Variants in KCNH7 observed in about 807,000 individuals in gnomAD.
KCNH7 encodes the protein voltage-gated inwardly rectifying potassium channel KCNH7.
Under a neutral mutation model 120.8 loss-of-function variants are expected in KCNH7, and 49 were observed. The observed-to-expected ratio is 0.41, with a 90% CI of 0.32 to 0.51. KCNH7 has a LOEUF of 0.51. KCNH7 is among the 20% of genes least tolerant of loss of function. The probability of loss-of-function intolerance (pLI) is 0.38; values close to 1 mark genes in which losing one functional copy is unlikely to be tolerated. For missense variants in KCNH7, 1,097 were observed against 1,446.6 expected (o/e 0.76, Z 3.92); for synonymous variants, 547 against 516.1 (o/e 1.06, Z -0.81).
intron 2 of KCNH7, among the ~76,000 whole-genome samples, chr2:162,682,793 C>T (rs1685756800): frequency 6.6e-6 from 1 of 151,588 alleles, no homozygotes; most frequent in African/African-American, 2.4e-5. Flanking sequence ...TACAAAGAGA[C>T]CTATCTGTAT....
chr2:162,691,570 G>A (rs1000003300), intron 2 of KCNH7, among the ~76,000 whole-genome samples: 1 of 152,132 alleles, frequency 6.6e-6, no homozygotes, highest in Non-Finnish European at 1.5e-5. Context: ...TTTTATAGCT[G>A]TGGTCAGTCT....
At chr2:162,429,582 G>A (rs941273996) in intron 8 of KCNH7, among the ~76,000 whole-genome samples, 4 of 151,244 alleles carry the variant, frequency 2.6e-5, no homozygotes, top group Non-Finnish European at 4.4e-5. Flanking sequence ...TTCCTATGTT[G>A]AGAGATTTTG....
At chr2:162,376,402 G>A (rs1371766863) in intron 14 of KCNH7, among the ~76,000 whole-genome samples, 2 of 144,374 alleles carry the variant, frequency 1.4e-5, no homozygotes, top group African/African-American at 5.2e-5. Context: ...GTCTTGCTCT[G>A]TCGCCCAGGC....
intron 2 of KCNH7, among the ~76,000 whole-genome samples, chr2:162,707,721 A>C (rs1002048227): frequency 1.3e-5 from 2 of 152,092 alleles, no homozygotes; most frequent in Non-Finnish European, 2.9e-5. Flanking sequence ...CAAGGTAGGG[A>C]AGGATACAGT....
intron 4 of KCNH7, 130 bp downstream of exon 4, chr2:162,517,600 T>TGGTCGCCG: frequency 3.9e-6 from 3 of 779,062 alleles, no homozygotes; most frequent in Non-Finnish European, 5.8e-6. Context: ...AGGACTCAGG[T>TGGTCGCCG]TTTTAATAGC....
chr2:162,491,869 A>T (rs1188989247), intron 6 of KCNH7, among the ~76,000 whole-genome samples: 1 of 152,090 alleles, frequency 6.6e-6, no homozygotes, highest in Non-Finnish European at 1.5e-5. Flanking sequence ...AATCACTGGG[A>T]TTCCTTTGGG....
At chr2:162,632,667 G>T (rs1469085331) in intron 2 of KCNH7, among the ~76,000 whole-genome samples, 1 of 151,718 alleles carries the variant, frequency 6.6e-6, no homozygotes, top group Non-Finnish European at 1.5e-5. Context: ...GAAAAGAATT[G>T]ATTCCAGAAA....
At chr2:162,608,358 A>G (rs570149918) in intron 2 of KCNH7, among the ~76,000 whole-genome samples, 2 of 152,200 alleles carry the variant, frequency 1.3e-5, no homozygotes, top group Non-Finnish European at 2.9e-5. Context: ...ACAGAACCAT[A>G]CAAAACTCTG....
chr2:162,633,597 A>G (rs1480139097), intron 2 of KCNH7, among the ~76,000 whole-genome samples: 1 of 151,926 alleles, frequency 6.6e-6, no homozygotes, highest in Non-Finnish European at 1.5e-5. Flanking sequence ...TAAACCCTTA[A>G]TCCATCTAGA....
chr2:162,641,819 A>ACTAGTTT (rs1311774105), intron 2 of KCNH7, among the ~76,000 whole-genome samples: 1 of 152,196 alleles, frequency 6.6e-6, no homozygotes, highest in Admixed American at 6.6e-5. Flanking sequence ...ATTGGTGGAA[A>ACTAGTTT]TGGGATCTCT....
At chr2:162,514,530 A>T (rs550109653) in intron 4 of KCNH7, among the ~76,000 whole-genome samples, 31 of 151,888 alleles carry the variant, frequency 2.0e-4, no homozygotes, top group African/African-American at 7.2e-4. Context: ...CTTAGCTGAG[A>T]TCTGCTTGTT....
At chr2:162,577,328 TCTGTCTATCATCTATCCATC>T (rs1693710658) in intron 2 of KCNH7, among the ~76,000 whole-genome samples, 3 of 119,024 alleles carry the variant, frequency 2.5e-5, no homozygotes, top group Non-Finnish European at 3.8e-5. Context: ...TATCTATCTA[TCTGTCTATCATCTATCCATC>T]CTATCTATCT....
At chr2:162,804,446 G>T (rs1158172710) in intron 2 of KCNH7, among the ~76,000 whole-genome samples, 2 of 151,822 alleles carry the variant, frequency 1.3e-5, no homozygotes, top group Non-Finnish European at 2.9e-5. Flanking sequence ...ACCAAGCTGA[G>T]AATCAAATGA....
In KCNH7 at chr2:162,656,735, A is replaced by G. The variant is rs546429227; in HGVS notation, c.308-119655T>C. 9.8e-5 allele frequency among the ~76,000 whole-genome samples: 15 copies of G among 152,308 alleles called. No individual in the cohort carries two copies. The East Asian group carries it at 2.9e-3, about 29-fold the overall frequency. On this transcript the variant is annotated intron_variant, in intron 2 of 15. Transcript: ENST00000332142. ...TTTGCAATATAAGCATATTGCATCA[A>G]TGATTAATTTTGAGGCATATTTGCT...
chr2:162,773,508 A>C (rs1185789607), intron 2 of KCNH7, among the ~76,000 whole-genome samples: 2 of 152,114 alleles, frequency 1.3e-5, no homozygotes, highest in Non-Finnish European at 2.9e-5. Flanking sequence ...AACACAGAAA[A>C]CTTATGTCTT....
chr2:162,426,244 A>G (rs1040239954), intron 8 of KCNH7, among the ~76,000 whole-genome samples: 3 of 151,542 alleles, frequency 2.0e-5, no homozygotes, highest in Non-Finnish European at 4.4e-5. Flanking sequence ...AAGTGACCTG[A>G]AATACTTATT....
intron 2 of KCNH7, among the ~76,000 whole-genome samples, chr2:162,637,040 T>G (rs563719755): frequency 6.6e-6 from 1 of 152,122 alleles, no homozygotes; most frequent in African/African-American, 2.4e-5. Context: ...ATCAAGAAAA[T>G]TCAATATTGG....
chr2:162,449,477 G>T (rs534265926), intron 6 of KCNH7, among the ~76,000 whole-genome samples: 1 of 152,134 alleles, frequency 6.6e-6, no homozygotes, highest in Non-Finnish European at 1.5e-5. Context: ...ACTTTATTTG[G>T]AAAGAGGGTT....
chr2:162,530,447 C>T (rs557329502), intron 3 of KCNH7, among the ~76,000 whole-genome samples: 1 of 151,756 alleles, frequency 6.6e-6, no homozygotes, highest in South Asian at 2.1e-4. Context: ...CACTCTGAGA[C>T]ACGCTAGTGT....
Sources: gnomAD v4.1 joint callset for allele counts (sites outside exome capture counted in the v4.1 genomes callset) on GRCh38, gnomAD v4.1.1 for gene constraint, MANE v1.5 for transcripts, NCBI Gene and HGNC (gene_info 2026-07-23, HGNC 2026-07-21) for gene names.